STK32C: variants seen among roughly 807,000 people sequenced by gnomAD.
STK32C encodes the protein serine/threonine-protein kinase 32C.
Under a neutral mutation model 56.5 loss-of-function variants are expected in STK32C, and 31 were observed. The observed-to-expected ratio is 0.55, with a 90% confidence interval of 0.41 to 0.74. STK32C has a LOEUF of 0.74. Ranked by LOEUF, STK32C falls within the 30% of genes least tolerant of loss-of-function variation. STK32C has a pLI of 0.00. For synonymous variants in STK32C, 309 were observed against 289.4 expected (o/e 1.07, Z -0.69); for missense variants, 544 against 676.9 (o/e 0.80, Z 2.18).
chr10:132,219,828 C>T (rs930642999), intron 10 of STK32C, among the ~76,000 whole-genome samples: 3 of 152,178 alleles, frequency 2.0e-5, no homozygotes, highest in Non-Finnish European at 4.4e-5. Context: ...GACTGACACC[C>T]GTCTTCTGCC....
At chr10:132,265,706 G>C (rs529568950) in intron 1 of STK32C, among the ~76,000 whole-genome samples, 2 of 152,378 alleles carry the variant, frequency 1.3e-5, no homozygotes, top group South Asian at 4.1e-4. Context: ...AGATGGGCAA[G>C]AGGCCCAGGC....
chr10:132,331,712 C>T, exon 1 of STK32C: 1 of 1,612,666 alleles, frequency 6.2e-7, no homozygotes, highest in Non-Finnish European at 8.5e-7. Context: ...CCGGGCCCTC[C>T]GGCTCCCCAG....
chr10:132,324,021 C>A, downstream of STK32C: 2 of 563,508 alleles, frequency 3.5e-6, no homozygotes, highest in Admixed American at 3.0e-5. Flanking sequence ...TAAAGAGCAG[C>A]ATTAATCTCT....
intron 1 of STK32C, among the ~76,000 whole-genome samples, chr10:132,325,663 A>T (rs1383728879): frequency 6.6e-6 from 1 of 151,760 alleles, no homozygotes; most frequent in East Asian, 1.9e-4. Flanking sequence ...TTCCCCAGCC[A>T]GGTGGAACTT....
chr10:132,224,446 G>A lies in STK32C; in HGVS notation c.954C>T (p.Val318=). Residue 318 remains valine (V), a synonymous_variant, in exon 8 of 12, where the codon GTC becomes GTT. Transcript: ENST00000298630. ...QLFSTVSVQY[V]PTWSKEMVAL... ...CCACCATCTCCTTGGACCACGTGGG[G>A]ACATACTGGACGCTCACGGTGCTGA... is the stretch of plus-strand genomic sequence containing the variant. The A allele has an allele frequency of 1.9e-6, 3 of 1,561,374 alleles. No homozygotes were observed. The highest frequency in any genetic ancestry group is 2.6e-6 in the Non-Finnish European group (3 of 1,152,674).
In STK32C at chr10:132,284,806, A is replaced by C. The variant is rs574414481; in HGVS notation, c.262+22766T>G. Among the ~76,000 whole-genome samples, 7 of 146,254 alleles carry C rather than the reference A, an allele frequency of 4.8e-5. No individual in the cohort carries two copies. The East Asian group carries it at 1.0e-3, about 22-fold the overall frequency. ...AAGACCAGGCATGAACCCAGAACAC[A>C]TTCCCACGTCTGCCCAAAGACCAGG... On this transcript the variant is annotated intron_variant, in intron 1 of 11. Transcript: ENST00000298630.
chr10:132,254,306 T>A (rs149047066), intron 1 of STK32C, among the ~76,000 whole-genome samples: 38 of 151,956 alleles, frequency 2.5e-4, no homozygotes, highest in Middle Eastern at 3.4e-3. Context: ...CGAAACTCCA[T>A]CAGGGGAGAA....
rs77957396 is a variant in STK32C at position 132,224,136 on chromosome 10, G to A, written c.993+271C>T. Reference sequence around the variant, plus strand: ...CAGGGCGGGCGCACAAGCCTGCTGTGAGGGTGCCTGGAGACGCAGCTCAGG... The same window carrying A: ...CAGGGCGGGCGCACAAGCCTGCTGTAAGGGTGCCTGGAGACGCAGCTCAGG... On this transcript the variant is annotated intron_variant, in intron 8 of 11. Transcript: ENST00000298630. Among the ~76,000 whole-genome samples the A allele has an allele frequency of 5.4e-3, 817 of 152,282 alleles. 8 individuals carry two copies. Among genetic ancestry groups the A allele is most frequent in the African/African-American group, 0.018 (741 of 41,556 alleles).
chr10:132,285,594 G>A (rs2065375767), intron 1 of STK32C, among the ~76,000 whole-genome samples: 3 of 152,232 alleles, frequency 2.0e-5, no homozygotes, highest in Admixed American at 2.0e-4. Context: ...TGACCAATGT[G>A]CAGAGGAACA....
intron 1 of STK32C, among the ~76,000 whole-genome samples, chr10:132,282,526 T>C (rs912085288): frequency 1.5e-4 from 20 of 134,754 alleles, no homozygotes; most frequent in South Asian, 4.5e-4. Flanking sequence ...CCTGTGCCTG[T>C]GCCCACCTGT....
Position 132,222,996 on chromosome 10 carries a change from G to A in STK32C, c.994-10C>T. ...GGTTCACAGTGAGGAGCTGCAACCA[G>A]GCATGAGTCAGAGGGTCCAGGGCCC... On this transcript the variant is annotated splice_polypyrimidine_tract_variant and intron_variant, in intron 8 of 11. Transcript: ENST00000298630. 2.6e-6 allele frequency: 4 copies of A among 1,547,600 alleles called. No individual in the cohort carries two copies. The South Asian group carries it at 4.7e-5, about 18-fold the overall frequency.
At chr10:132,302,698 C>G (rs374754221) in intron 1 of STK32C, among the ~76,000 whole-genome samples, 1 of 152,286 alleles carries the variant, frequency 6.6e-6, no homozygotes, top group East Asian at 1.9e-4. Context: ...CTCCAAAATG[C>G]GAGTCCACAC....
intron 1 of STK32C, among the ~76,000 whole-genome samples, chr10:132,259,049 G>A (rs1218103303): frequency 7.9e-6 from 1 of 126,228 alleles, no homozygotes; most frequent in African/African-American, 3.8e-5. Context: ...GGGTACTGGG[G>A]GCACAGCTGG....
At chr10:132,235,677 C>A (rs2137815965) in intron 2 of STK32C, among the ~76,000 whole-genome samples, 1 of 152,160 alleles carries the variant, frequency 6.6e-6, no homozygotes, top group South Asian at 2.1e-4. Context: ...GCCATCTGGG[C>A]CCTCAGCAAG....
rs2306982 is a variant in STK32C, at chr10:132,226,786, C to G, written c.644+9G>C. 2 of 1,610,578 alleles carry G rather than the reference C, an allele frequency of 1.2e-6. No homozygotes were observed. Among genetic ancestry groups the G allele is most frequent in the Non-Finnish European group, 1.7e-6 (2 of 1,178,948 alleles). On this transcript the variant is annotated intron_variant, in intron 4 of 11. Coordinates refer to ENST00000298630, the MANE Select transcript of STK32C (RefSeq NM_173575.4). ...CAGCAGGTACCTGCGCCGTCTGCCA[C>G]GCACACACCTGTGGATGATGTGCTG...
intron 1 of STK32C, among the ~76,000 whole-genome samples, chr10:132,315,963 A>T (rs568633983): frequency 1.2e-4 from 19 of 152,252 alleles, no homozygotes; most frequent in Non-Finnish European, 2.8e-4. Flanking sequence ...ATGAATCACA[A>T]GGAAATTTAA....
intron 1 of STK32C, among the ~76,000 whole-genome samples, chr10:132,291,584 G>A (rs1344361844): frequency 2.0e-5 from 3 of 152,206 alleles, no homozygotes; most frequent in Non-Finnish European, 4.4e-5. Flanking sequence ...GAGCCTTCCA[G>A]AGTGCCCCTC....
chr10:132,222,312 C>T (rs1294434206), intron 10 of STK32C, among the ~76,000 whole-genome samples: 1 of 151,950 alleles, frequency 6.6e-6, no homozygotes, highest in African/African-American at 2.4e-5. Flanking sequence ...TGCTGACGCA[C>T]CTGGGCGAGT....
At chr10:132,303,466 A>G (rs2065970408) in intron 1 of STK32C, among the ~76,000 whole-genome samples, 1 of 152,110 alleles carries the variant, frequency 6.6e-6, no homozygotes, top group African/African-American at 2.4e-5. Context: ...ACATCCATAG[A>G]GAAAAAAGCT....
Sources: gnomAD v4.1 joint callset for allele counts (sites outside exome capture counted in the v4.1 genomes callset) on GRCh38, gnomAD v4.1.1 for gene constraint, MANE v1.5 for transcripts, NCBI Gene and HGNC (gene_info 2026-07-23, HGNC 2026-07-21) for gene names.